Variants in POLG observed in about 807,000 individuals in gnomAD.
POLG encodes DNA polymerase gamma, catalytic subunit.
POLG carries 110 observed loss-of-function variants against 155.4 expected under a neutral mutation model. That is an observed-to-expected ratio of 0.71 (90% CI 0.61 to 0.83). The LOEUF is 0.83. Among genes scored for constraint, POLG ranks in the 40% least tolerant of loss-of-function variants. The pLI is 0.00. For missense variants in POLG, 1,685 were observed against 1,627.5 expected, an observed-to-expected ratio of 1.04 and a Z score of -0.61; for synonymous variants, 701 against 631.5, an observed-to-expected ratio of 1.11 and a Z score of -1.65.
At position 89,316,702 on chromosome 15, in the gene POLG, C is replaced by G. The variant is rs758880377; in HGVS notation, c.*49G>C. The G allele has an allele frequency of 7.1e-7, 1 of 1,409,042 alleles. No homozygotes were observed. The highest frequency in any genetic ancestry group is 1.6e-5 in the African/African-American group (1 of 60,758). The allele number at this position is 1,409,042 out of a possible 1,614,324, so 87.3% of individuals were successfully genotyped here. On this transcript the variant is annotated 3_prime_UTR_variant, in exon 23 of 23. Coordinates refer to ENST00000268124, the MANE Select transcript of POLG (RefSeq NM_002693.3). ...GAAAGCCTGAGTTTGGGAGCCTGCA[C>G]CACCCCGATGAAGCTCCACGGGAGC...
At chr15:89,329,901 G>A (rs922420555) in intron 3 of POLG, among the ~76,000 whole-genome samples, 180 bp downstream of exon 3, 35 of 152,132 alleles carry the variant, frequency 2.3e-4, no homozygotes, top group Admixed American at 1.3e-4. Context: ...AGGCTTTCCC[G>A]GGGACATACA....
At chr15:89,328,397 G>C in intron 6 of POLG, 59 bp downstream of exon 6, 1 of 1,337,994 alleles carries the variant, frequency 7.5e-7, no homozygotes, top group Non-Finnish European at 1.1e-6. Context: ...TGATTACAGT[G>C]GGCCCGGGTA....
chr15:89,321,201 A>G lies in POLG; in HGVS notation c.2658T>C (p.Leu886=), dbSNP rs1193104017. 1.9e-6 allele frequency: 3 copies of G among 1,614,010 alleles called. No homozygotes were observed. Among genetic ancestry groups the G allele is most frequent in the African/African-American group, 1.3e-5 (1 of 74,942 alleles). The change falls in exon 17 of 23, where the codon CTT becomes CTC. Residue 886 remains leucine (L), a synonymous_variant. Transcript: ENST00000268124. ...CTTGGGAGTCCACATCAGCACCCAC[A>G]AGGGTGTAGCCAGGTGGGGCCTGCA... is the stretch of plus-strand genomic sequence containing the variant. The part of the protein sequence containing the change: ...AMVQAPPGYT[L]VGADVDSQEL...
At position 89,329,851 on chromosome 15, in the gene POLG, G is replaced by A. The variant is rs541293152; in HGVS notation, c.855+230C>T. ...CTAAGCTCTAAAATGCCACAGAGAC[G>A]AAGGCCATTATTACTTTGTGACAAC... On this transcript the variant is annotated intron_variant, in intron 3 of 22. Transcript: ENST00000268124. Among the ~76,000 whole-genome samples the A allele has an allele frequency of 3.3e-5, 5 of 152,292 alleles. No individual in the cohort carries two copies. The East Asian group carries it at 7.7e-4, about 24-fold the overall frequency.
chr15:89,321,887 G>A, intron 15 of POLG, 34 bp from the exon 16 acceptor site: 1 of 1,607,378 alleles, frequency 6.2e-7, no homozygotes. Context: ...ATGGGTCTTA[G>A]CAGGGTGCTT....
rs1335228000 is a variant in POLG at position 89,325,191 on chromosome 15, TGA to T, written c.1949+257_1949+258del. Reference sequence around the variant, plus strand: ...GTGAGAGAGTGAGAGAGTGAGTGAGTGAGAGAGTGAGTGAGAGAGTGAGTGAG... The same window carrying T: ...GTGAGAGAGTGAGAGAGTGAGTGAGTGAGAGTGAGTGAGAGAGTGAGTGAG... On this transcript the variant is annotated intron_variant, in intron 10 of 22. Coordinates refer to ENST00000268124, the MANE Select transcript of POLG (RefSeq NM_002693.3). Among the ~76,000 whole-genome samples, 55 of 55,224 alleles carry T rather than the reference TGA, an allele frequency of 1.0e-3. 9 individuals are homozygous for T. The South Asian group carries it at 0.019, about 19-fold the overall frequency. 36.2% of individuals were successfully genotyped at this position (55,224 alleles called of 152,430 possible).
In POLG at chr15:89,333,157, C is replaced by G. The variant is rs756447384; in HGVS notation, c.598G>C (p.Glu200Gln). The G allele has an allele frequency of 1.9e-6, 3 of 1,545,920 alleles. No individual in the cohort carries two copies. In the South Asian group the frequency reaches 3.7e-5, roughly 19 times the overall value. Residue 200 changes from glutamate (E) to glutamine (Q), a missense_variant, in exon 2 of 23, where the codon GAG (glutamate) becomes CAG (glutamine). This residue lies in a region of POLG where 1,210 missense variants were observed against 1,167.1 expected (regional missense o/e 1.04). Transcript: ENST00000268124. ...PEERALVFDV[E>Q]VCLAEGTCPT... ...CAAGTTCCCTCTGCCAAGCAGACCT[C>G]CACGTCGAACACCAGGGCCCGCTCC...
chr15:89,322,924 G>A (rs749195150), intron 13 of POLG, 22 bp from the exon 14 acceptor site: 19 of 1,609,388 alleles, frequency 1.2e-5, no homozygotes, highest in Non-Finnish European at 1.5e-5. Context: ...AAAGGAAGCA[G>A]GGGCTGGAGG....
chr15:89,319,353 G>A lies in POLG; in HGVS notation c.2982-3C>T, dbSNP rs538731397. The A allele has an allele frequency of 2.5e-5, 41 of 1,613,556 alleles. No individual in the cohort carries two copies. In the South Asian group the frequency reaches 3.6e-4, roughly 14 times the overall value. On this transcript the variant is annotated splice_polypyrimidine_tract_variant and splice_region_variant and intron_variant, in intron 18 of 22. Coordinates refer to ENST00000268124, the MANE Select transcript of POLG (RefSeq NM_002693.3). The stretch of plus-strand genomic sequence containing the variant: ...CGCCCTCATCCGACAGCCGATACCT[G>A]GGGGCAGTGTTATCACCATCATTCC...
chr15:89,321,270 G>C lies in POLG; in HGVS notation c.2599-10C>G, dbSNP rs769346219. 6.2e-7 allele frequency: 1 copy of C among 1,613,926 alleles called. No individual in the cohort carries two copies. The highest frequency in any genetic ancestry group is 1.1e-5 in the South Asian group (1 of 91,012). ...TGCCTACTCGGTCAGGCTGTGGGAA[G>C]AGTGAGATACCCAAATGAGACTCTT... On this transcript the variant is annotated splice_polypyrimidine_tract_variant and intron_variant, in intron 16 of 22. Coordinates refer to ENST00000268124, the MANE Select transcript of POLG (RefSeq NM_002693.3).
chr15:89,325,243 T>TGAGAGAGTGAGTGAGTGAGA (rs1567189939), intron 10 of POLG, among the ~76,000 whole-genome samples: 1 of 79,362 alleles, frequency 1.3e-5, no homozygotes, highest in African/African-American at 7.5e-5. Flanking sequence ...AGAGAGTGAG[T>TGAGAGAGTGAGTGAGTGAGA]GAGTGAGAGA....
Position 89,320,681 on chromosome 15 carries a change from G to A in POLG, c.2981+85C>T. 4 of 1,472,548 alleles carry A rather than the reference G, an allele frequency of 2.7e-6. No individual in the cohort carries two copies. In the Admixed American group the frequency reaches 6.8e-5, roughly 25 times the overall value. 91.2% of individuals were successfully genotyped at this position (1,472,548 alleles called of 1,614,324 possible). A position where few individuals can be genotyped will look rare whatever the true frequency, so the allele number is the denominator to read the frequency against. On this transcript the variant is annotated intron_variant, in intron 18 of 22. Coordinates refer to ENST00000268124, the MANE Select transcript of POLG (RefSeq NM_002693.3). Reference sequence around the variant, plus strand: ...AGGTGAGAGTTCAAGTAATGGGCAGGAGATAGAACAGATGGTAGTACTAAA... The same window carrying A: ...AGGTGAGAGTTCAAGTAATGGGCAGAAGATAGAACAGATGGTAGTACTAAA...
Position 89,333,207 on chromosome 15 carries a change from T to TC in POLG, c.547dup (p.Glu183GlyfsTer61). ...CTCGGGGATGGCCACGGGTACGGCC[T>TC]CCCCCTCGGGGCCGTACCGGGTCCA... On this transcript the variant is annotated frameshift_variant, in exon 2 of 23. Coordinates refer to ENST00000268124, the MANE Select transcript of POLG (RefSeq NM_002693.3). LOFTEE classifies it high-confidence loss of function. 6.4e-7 allele frequency: 1 copy of TC among 1,573,372 alleles called. No homozygotes were observed. Among genetic ancestry groups the TC allele is most frequent in the Non-Finnish European group, 8.6e-7 (1 of 1,156,368 alleles).
At chr15:89,316,902 CTTAATGCTAAG>C in intron 22 of POLG, 75 bp from the exon 23 acceptor site, 1 of 1,063,742 alleles carries the variant, frequency 9.4e-7, no homozygotes, top group South Asian at 1.3e-5. Flanking sequence ...AGCAAAGGAG[CTTAATGCTAAG>C]GTCAAAAGGA....
rs772976963 is a variant in POLG at position 89,321,844 on chromosome 15, G to C, written c.2490C>G (p.Asp830Glu). Reference sequence around the variant, plus strand: ...CCCCATAGAGGCCTTCCTCATCATAGTCGGGGTGCCTGGTGGGGTGCAGGG... The same window carrying C: ...CCCCATAGAGGCCTTCCTCATCATACTCGGGGTGCCTGGTGGGGTGCAGGG... ...ALPRAVIRHP[D>E]YDEEGLYGAI... The change falls in exon 16 of 23, where the codon GAC becomes GAG. Residue 830 changes from aspartate to glutamate, a missense_variant. This residue lies in a region of POLG where 1,210 missense variants were observed against 1,167.1 expected (regional missense o/e 1.04). Transcript: ENST00000268124. The C allele has an allele frequency of 6.2e-7, 1 of 1,613,834 alleles. No individual in the cohort carries two copies. The highest frequency in any genetic ancestry group is 1.1e-5 in the South Asian group (1 of 91,078).
intron 6 of POLG, among the ~76,000 whole-genome samples, chr15:89,327,816 C>T (rs543094824): frequency 1.3e-5 from 2 of 151,936 alleles, no homozygotes; most frequent in South Asian, 2.1e-4. Flanking sequence ...GCCCAACCCC[C>T]GCCCTCAGCC....
At chr15:89,321,935 T>G (rs903022471) in intron 15 of POLG, 27 bp downstream of exon 15, 3 of 1,613,000 alleles carry the variant, frequency 1.9e-6, no homozygotes, top group Admixed American at 3.3e-5. Context: ...AGTTCTCCTA[T>G]CCCTACAACC....
chr15:89,325,784 C>T (rs1471045353), intron 9 of POLG, 98 bp from the exon 10 acceptor site: 3 of 1,003,224 alleles, frequency 3.0e-6, no homozygotes, highest in Non-Finnish European at 4.7e-6. Flanking sequence ...CCCTCCAAAG[C>T]CCTGGGGCTT....
At chr15:89,330,846 C>T (rs190590927) in intron 2 of POLG, among the ~76,000 whole-genome samples, 226 of 152,168 alleles carry the variant, frequency 1.5e-3, no homozygotes, top group African/African-American at 5.1e-3. Flanking sequence ...AAGCAACCAC[C>T]CTCAGTGAGA....
Sources: allele counts gnomAD v4.1 joint callset (sites outside exome capture counted in the v4.1 genomes callset), GRCh38; gene constraint gnomAD v4.1.1; regional missense constraint gnomAD v4.1.1; transcripts MANE v1.5; gene names NCBI Gene and HGNC (gene_info 2026-07-23, HGNC 2026-07-21).